The following BEND5 variants were observed in gnomAD, a reference collection of about 807,000 sequenced individuals.
The protein encoded by BEND5 is BEN domain containing 5.
Under a neutral mutation model 43.9 loss-of-function variants are expected in BEND5, and 22 were observed. The observed-to-expected ratio is 0.50, with a 90% CI of 0.36 to 0.72. The LOEUF (loss-of-function observed/expected upper bound fraction) is 0.72, where lower values mean the gene tolerates loss of function less well. Among genes scored for constraint, BEND5 ranks in the 30% least tolerant of loss-of-function variants. The pLI, the probability that BEND5 is intolerant of heterozygous loss-of-function variation, is 0.00. For synonymous variants in BEND5, 228 were observed against 225.9 expected, an observed-to-expected ratio of 1.01 and a Z score of -0.08; for missense variants, 428 against 550.6, an observed-to-expected ratio of 0.78 and a Z score of 2.23.
chr1:48,727,706 A>C lies in BEND5; in HGVS notation c.*180T>G. 1 of 441,328 alleles carries C rather than the reference A, an allele frequency of 2.3e-6. No individual in the cohort carries two copies. Among genetic ancestry groups the C allele is most frequent in the Non-Finnish European group, 3.9e-6 (1 of 255,024 alleles). 27.3% of individuals were successfully genotyped at this position (441,328 alleles called of 1,614,324 possible). ...CAGTGCCAGGCTGCTCCTGAGTCTC[A>C]GCAAAGCCATCTGTCGTCTTTGGAG... On this transcript the variant is annotated 3_prime_UTR_variant, in exon 6 of 6. Transcript: ENST00000371833.
At chr1:48,735,582 G>A (rs1648910991) in intron 5 of BEND5, among the ~76,000 whole-genome samples, 1 of 151,998 alleles carries the variant, frequency 6.6e-6, no homozygotes, top group African/African-American at 2.4e-5. Flanking sequence ...AAATTCCAGA[G>A]TCCAGGATAC....
chr1:48,758,150 A>G (rs1238655350), intron 3 of BEND5, among the ~76,000 whole-genome samples: 2 of 152,354 alleles, frequency 1.3e-5, no homozygotes. Context: ...AGCAAACCAA[A>G]GGAGTTTTAT....
rs571795312 is a variant in BEND5 at position 48,752,983 on chromosome 1, C to T, written c.745+5917G>A. On this transcript the variant is annotated intron_variant, in intron 3 of 5. Coordinates refer to ENST00000371833, the MANE Select transcript of BEND5 (RefSeq NM_024603.4). Reference sequence around the variant, plus strand: ...CAGGATGGTCTCGATCTCTTGACCTCGTGATCCGCCTGCCTCGGCCTCCCA... The same window carrying T: ...CAGGATGGTCTCGATCTCTTGACCTTGTGATCCGCCTGCCTCGGCCTCCCA... 3.0e-3 allele frequency among the ~76,000 whole-genome samples: 456 copies of T among 152,248 alleles called. 1 individual carries two copies. The highest frequency in any genetic ancestry group is 0.01 in the African/African-American group (434 of 41,540).
At chr1:48,742,588 C>CTT in intron 4 of BEND5, 35 bp downstream of exon 4, 3 of 1,486,020 alleles carry the variant, frequency 2.0e-6, no homozygotes, top group Non-Finnish European at 2.7e-6. Flanking sequence ...CTAACAAACA[C>CTT]TTGCAGGGAA....
intron 3 of BEND5, among the ~76,000 whole-genome samples, chr1:48,755,689 T>C (rs1652441349): frequency 6.6e-6 from 1 of 152,138 alleles, no homozygotes; most frequent in South Asian, 2.1e-4. Context: ...AGGGGATATC[T>C]TACCAGACTT....
intron 5 of BEND5, among the ~76,000 whole-genome samples, chr1:48,730,837 G>A (rs1422746409): frequency 2.0e-5 from 3 of 152,220 alleles, no homozygotes; most frequent in South Asian, 2.1e-4. Context: ...TAACCGGAAC[G>A]CAATGCTGAG....
intron 3 of BEND5, among the ~76,000 whole-genome samples, chr1:48,746,075 A>G (rs1157247618): frequency 6.6e-6 from 1 of 152,216 alleles, no homozygotes; most frequent in Non-Finnish European, 1.5e-5. Flanking sequence ...TAATGTACAC[A>G]TAAATAATTG....
rs1650638528 is a variant in BEND5 at position 48,745,774 on chromosome 1, G to T, written c.746-3003C>A. 3.9e-5 allele frequency among the ~76,000 whole-genome samples: 6 copies of T among 152,240 alleles called. No individual in the cohort carries two copies. The South Asian group carries it at 1.2e-3, about 32-fold the overall frequency. ...TTGGAGACAGAGCTCCAAATACTGG[G>T]TTTAAGTACTGGGTTTGCCACTTAC... On this transcript the variant is annotated intron_variant, in intron 3 of 5. Transcript: ENST00000371833.
chr1:48,751,049 T>C (rs149251967), intron 3 of BEND5, among the ~76,000 whole-genome samples: 1 of 152,162 alleles, frequency 6.6e-6, no homozygotes, highest in African/African-American at 2.4e-5. Flanking sequence ...TGAAATCCTA[T>C]ATATTCTGAT....
At chr1:48,754,102 T>C (rs1380184832) in intron 3 of BEND5, among the ~76,000 whole-genome samples, 2 of 152,172 alleles carry the variant, frequency 1.3e-5, no homozygotes, top group African/African-American at 2.4e-5. Flanking sequence ...CACACCACAA[T>C]GAATTATACT....
At chr1:48,738,044 C>T (rs955510300) in intron 4 of BEND5, among the ~76,000 whole-genome samples, 1 of 152,112 alleles carries the variant, frequency 6.6e-6, no homozygotes, top group Admixed American at 6.5e-5. Flanking sequence ...TAATGGCAGA[C>T]CAGCAAGATC....
intron 3 of BEND5, among the ~76,000 whole-genome samples, chr1:48,744,195 C>T (rs1310575214): frequency 1.3e-5 from 2 of 152,206 alleles, no homozygotes; most frequent in South Asian, 2.1e-4. Context: ...TATTCAAGGG[C>T]TGGGCCTAGG....
intron 4 of BEND5, among the ~76,000 whole-genome samples, chr1:48,741,024 G>A (rs991124719): frequency 2.6e-5 from 4 of 152,286 alleles, no homozygotes; most frequent in African/African-American, 9.6e-5. Flanking sequence ...AATGAGATTT[G>A]AGAGACTCAT....
At chr1:48,768,792 A>C (rs1644661303) in intron 1 of BEND5, among the ~76,000 whole-genome samples, 2 of 152,210 alleles carry the variant, frequency 1.3e-5, no homozygotes, top group Admixed American at 1.3e-4. Flanking sequence ...TATAAGTTTA[A>C]AGTTTTTCAT....
At position 48,776,858 on chromosome 1, in the gene BEND5, C is replaced by G. The variant is rs1019507900; in HGVS notation, c.-27G>C. On this transcript the variant is annotated 5_prime_UTR_variant, in exon 1 of 6. Transcript: ENST00000371833. ...GTGGGCGCCGGGGGCGGGCCCCGGT[C>G]GGGCAGCTCAGCCCGCGGGGCGGGC... 2.8e-5 allele frequency: 39 copies of G among 1,379,388 alleles called. No individual in the cohort carries two copies. The highest frequency in any genetic ancestry group is 5.7e-5 in the Admixed American group (2 of 35,170). The allele number at this position is 1,379,388 out of a possible 1,614,324, so 85.4% of individuals were successfully genotyped here. A position where few individuals can be genotyped will look rare whatever the true frequency, so the allele number is the denominator to read the frequency against.
chr1:48,756,385 T>C (rs957975649), intron 3 of BEND5, among the ~76,000 whole-genome samples: 1 of 152,204 alleles, frequency 6.6e-6, no homozygotes, highest in Non-Finnish European at 1.5e-5. Flanking sequence ...TGTGCTGTCA[T>C]TGATTGTTTC....
chr1:48,737,036 C>T (rs111440523), intron 4 of BEND5, among the ~76,000 whole-genome samples: 26 of 152,216 alleles, frequency 1.7e-4, no homozygotes, highest in Admixed American at 2.0e-4. Context: ...GTAATCCCAG[C>T]ACTTTGGGAG....
intron 5 of BEND5, among the ~76,000 whole-genome samples, chr1:48,729,867 T>G (rs1316919920): frequency 6.6e-6 from 1 of 152,022 alleles, no homozygotes; most frequent in African/African-American, 2.4e-5. Context: ...AATCCTCACT[T>G]CATCTTGTCT....
chr1:48,746,368 T>C (rs1650764947), intron 3 of BEND5, among the ~76,000 whole-genome samples: 1 of 152,148 alleles, frequency 6.6e-6, no homozygotes, highest in African/African-American at 2.4e-5. Flanking sequence ...CCCTAGTGCT[T>C]AGCACAGGCC....
Sources: allele counts gnomAD v4.1 joint callset (sites outside exome capture counted in the v4.1 genomes callset), GRCh38; gene constraint gnomAD v4.1.1; transcripts MANE v1.5; gene names NCBI Gene and HGNC (gene_info 2026-07-23, HGNC 2026-07-21).